MCPH1: variants seen among roughly 807,000 people sequenced by gnomAD.
MCPH1 encodes microcephalin.
In MCPH1, 104 loss-of-function variants were observed where a neutral mutation model predicts 84.5. That is an observed-to-expected ratio of 1.23 (90% CI 1.05 to 1.45). The LOEUF (loss-of-function observed/expected upper bound fraction) is 1.45, where lower values mean the gene tolerates loss of function less well. Ranked by LOEUF, MCPH1 falls within the 40% of genes most tolerant of loss-of-function variation. The probability of loss-of-function intolerance (pLI) is 0.00; values close to 1 mark genes in which losing one functional copy is unlikely to be tolerated. For synonymous variants in MCPH1, 514 were observed against 366.8 expected, an observed-to-expected ratio of 1.40 and a Z score of -4.58; for missense variants, 1,498 against 1,005.7, an observed-to-expected ratio of 1.49 and a Z score of -6.62.
intron 13 of MCPH1, among the ~76,000 whole-genome samples, chr8:6,633,523 A>T (rs1399443090): frequency 6.6e-6 from 1 of 152,242 alleles, no homozygotes. Flanking sequence ...ATCTGTCAAC[A>T]CAAGTGGAAA....
At chr8:6,561,579 A>G (rs553544743) in intron 12 of MCPH1, among the ~76,000 whole-genome samples, 54 of 152,234 alleles carry the variant, frequency 3.5e-4, no homozygotes, top group Non-Finnish European at 7.1e-4. Flanking sequence ...AATGAGGCTC[A>G]CCAACTTTTA....
At chr8:6,429,065 A>G (rs979014273) in intron 3 of MCPH1, among the ~76,000 whole-genome samples, 6 of 152,218 alleles carry the variant, frequency 3.9e-5, no homozygotes, top group African/African-American at 1.4e-4. Flanking sequence ...TTGCATGGAC[A>G]CATTCATGTG....
intron 3 of MCPH1, among the ~76,000 whole-genome samples, chr8:6,415,907 C>G (rs908347340): frequency 4.6e-5 from 7 of 152,098 alleles, no homozygotes; most frequent in South Asian, 2.1e-4. Context: ...GGGAAGTGTT[C>G]ATAATATTTA....
chr8:6,628,275 C>G (rs6987742), intron 13 of MCPH1, among the ~76,000 whole-genome samples: 2,125 of 151,984 alleles, frequency 0.014, 64 homozygotes, highest in African/African-American at 0.049. Context: ...TCGAGACCAT[C>G]CTGGCTAACA....
rs564123309 is a variant in MCPH1, at chr8:6,633,505, G to C, written c.2453-9489G>C. 5.3e-4 allele frequency among the ~76,000 whole-genome samples: 80 copies of C among 152,240 alleles called. 1 individual carries two copies. Among genetic ancestry groups the C allele is most frequent in the Middle Eastern group, 3.4e-3 (1 of 294 alleles). On this transcript the variant is annotated intron_variant, in intron 13 of 13. Coordinates refer to ENST00000344683, the MANE Select transcript of MCPH1 (RefSeq NM_024596.5). ...AATGCTCCGATATCTTAAACTTTTT[G>C]AGTGCCAATCTGTCAACACAAGTGG...
intron 11 of MCPH1, among the ~76,000 whole-genome samples, chr8:6,490,463 G>C (rs1396298869): frequency 6.6e-6 from 1 of 152,094 alleles, no homozygotes; most frequent in African/African-American, 2.4e-5. Context: ...TGATTTCCAA[G>C]GAACATCATA....
chr8:6,633,064 T>C (rs1258404032), intron 13 of MCPH1, among the ~76,000 whole-genome samples: 2 of 151,976 alleles, frequency 1.3e-5, no homozygotes, highest in African/African-American at 2.4e-5. Flanking sequence ...AATAGATAAC[T>C]TTCTTAACTA....
intron 3 of MCPH1, among the ~76,000 whole-genome samples, chr8:6,426,986 ATC>A (rs1801151084): frequency 3.3e-5 from 5 of 152,240 alleles, no homozygotes; most frequent in Admixed American, 3.3e-4. Context: ...TTGTGGAGAC[ATC>A]ACAGTGTGTA....
Position 6,512,233 on chromosome 8 carries a change from G to A in MCPH1, c.2214+12304G>A, listed in dbSNP as rs2129567151. On this transcript the variant is annotated intron_variant, in intron 12 of 13. Coordinates refer to ENST00000344683, the MANE Select transcript of MCPH1 (RefSeq NM_024596.5). The stretch of plus-strand genomic sequence containing the variant: ...CTGTTTGTACAGCAGGACATACTGG[G>A]CATTGTAGAGTTTTCAGTTGGTTGT... Among the ~76,000 whole-genome samples the A allele has an allele frequency of 2.0e-5, 3 of 152,228 alleles. 1 individual carries two copies. In the South Asian group the frequency reaches 6.2e-4, roughly 32 times the overall value.
chr8:6,625,538 ATAAAT>A (rs74891152), intron 13 of MCPH1: 256,743 of 981,408 alleles, frequency 0.26, 34,494 homozygotes, highest in Non-Finnish European at 0.28. Context: ...TTTTGTTTAA[ATAAAT>A]TAAATTATGA....
intron 12 of MCPH1, among the ~76,000 whole-genome samples, chr8:6,531,486 T>G (rs1819503603): frequency 6.6e-6 from 1 of 152,094 alleles, no homozygotes; most frequent in Non-Finnish European, 1.5e-5. Flanking sequence ...GAGACGGGTT[T>G]TCGCCATGTT....
Position 6,406,639 on chromosome 8 carries a change from G to C in MCPH1, c.-29G>C. 1 of 1,610,754 alleles carries C rather than the reference G, an allele frequency of 6.2e-7. No individual in the cohort carries two copies. The highest frequency in any genetic ancestry group is 8.5e-7 in the Non-Finnish European group (1 of 1,179,154). Reference sequence around the variant, plus strand: ...CCGCCAGGCTCGCAAGCACCGCGTAGGCCAGCTGGCCGGATCCCGCCGTCT... The same window carrying C: ...CCGCCAGGCTCGCAAGCACCGCGTACGCCAGCTGGCCGGATCCCGCCGTCT... On this transcript the variant is annotated 5_prime_UTR_variant, in exon 1 of 14. Transcript: ENST00000344683.
intron 8 of MCPH1, 82 bp from the exon 9 acceptor site, chr8:6,455,061 C>T: frequency 2.0e-6 from 2 of 997,882 alleles, no homozygotes; most frequent in Non-Finnish European, 3.2e-6. Flanking sequence ...TTCCATTATG[C>T]ATAAATGTGA....
chr8:6,503,306 A>G, intron 12 of MCPH1: 1 of 1,606,726 alleles, frequency 6.2e-7, no homozygotes. Flanking sequence ...AGGTGATGCC[A>G]GCTCCCACCA....
intron 12 of MCPH1, among the ~76,000 whole-genome samples, chr8:6,571,124 A>G (rs1254485968): frequency 2.6e-5 from 4 of 152,206 alleles, no homozygotes; most frequent in Non-Finnish European, 4.4e-5. Context: ...CCCATCAAAA[A>G]AATGCCAGAA....
intron 9 of MCPH1, among the ~76,000 whole-genome samples, chr8:6,460,646 T>C (rs993706320): frequency 1.3e-5 from 2 of 152,184 alleles, no homozygotes; most frequent in African/African-American, 4.8e-5. Flanking sequence ...TCTGTTTTTC[T>C]TATCTGTTGT....
At chr8:6,522,833 A>G (rs1240882282) in intron 12 of MCPH1, among the ~76,000 whole-genome samples, 2 of 152,062 alleles carry the variant, frequency 1.3e-5, no homozygotes, top group African/African-American at 2.4e-5. Flanking sequence ...CTAAAGTCAC[A>G]CACAGCAGGT....
chr8:6,499,059 A>G (rs1177187238), intron 11 of MCPH1, among the ~76,000 whole-genome samples: 2 of 140,584 alleles, frequency 1.4e-5, no homozygotes, highest in African/African-American at 2.6e-5. Context: ...CTCAAAAAAT[A>G]AATAAATTAA....
intron 11 of MCPH1, among the ~76,000 whole-genome samples, chr8:6,481,111 G>C (rs1033549580): frequency 6.6e-6 from 1 of 152,212 alleles, no homozygotes; most frequent in Non-Finnish European, 1.5e-5. Flanking sequence ...AGCAGGAAGT[G>C]AGTAGCCTCT....
Sources: allele counts gnomAD v4.1 joint callset (sites outside exome capture counted in the v4.1 genomes callset), GRCh38; gene constraint gnomAD v4.1.1; transcripts MANE v1.5; gene names NCBI Gene and HGNC (gene_info 2026-07-23, HGNC 2026-07-21).